Variants in NF1 observed in about 807,000 individuals in gnomAD.
The protein encoded by NF1 is neurofibromin.
Under a neutral mutation model 325.7 loss-of-function variants are expected in NF1, and 122 were observed. The ratio of observed to expected loss-of-function variants is 0.37; its 90% CI spans 0.32 to 0.44. The LOEUF (loss-of-function observed/expected upper bound fraction) is 0.44, where lower values mean the gene tolerates loss of function less well. Ranked by LOEUF, NF1 falls within the 20% of genes least tolerant of loss-of-function variation. The pLI is 1.00. For synonymous variants in NF1, 1,091 were observed against 1,186.0 expected (o/e 0.92, Z 1.65); for missense variants, 2,140 against 3,415.4 (o/e 0.63, Z 9.31).
Position 31,230,882 on chromosome 17 carries a change from A to G in NF1, c.3154A>G (p.Thr1052Ala), listed in dbSNP as rs1597717598. The G allele has an allele frequency of 1.2e-6, 2 of 1,611,534 alleles. No homozygotes were observed. The highest frequency in any genetic ancestry group is 1.7e-4 in the Middle Eastern group (1 of 6,048). Residue 1052 changes from threonine to alanine, a missense_variant, in exon 24 of 58, where the codon ACA (threonine) becomes GCA (alanine). Physicochemically the swap from Thr to Ala is moderately conservative, Grantham distance 58. Coordinates refer to ENST00000358273, the MANE Select transcript of NF1 (RefSeq NM_001042492.3). The part of the protein sequence containing the change: ...VEYLTDWVMG[T>A]SNQAADDDVK... ...ATACCTGACAGACTGGGTTATGGGA[A>G]CATCAAACCAAGCAGCAGATGATGA...
chr17:31,238,542 G>T (rs946039784), intron 29 of NF1, among the ~76,000 whole-genome samples: 25 of 152,088 alleles, frequency 1.6e-4, no homozygotes, highest in Non-Finnish European at 7.4e-5. Flanking sequence ...AGACCATACT[G>T]TCTAACATGG....
intron 36 of NF1, among the ~76,000 whole-genome samples, chr17:31,267,491 A>G (rs1351946647): frequency 1.3e-5 from 2 of 151,842 alleles, no homozygotes; most frequent in Non-Finnish European, 2.9e-5. Context: ...CTTCATTTTC[A>G]CCTGGTGTGA....
chr17:31,350,620 A>G (rs1022966183), intron 50 of NF1, among the ~76,000 whole-genome samples: 1 of 152,208 alleles, frequency 6.6e-6, no homozygotes, highest in Non-Finnish European at 1.5e-5. Flanking sequence ...GGCCTGGGGA[A>G]AAAAACTAAC....
chr17:31,130,097 T>TA (rs1555600895), intron 1 of NF1, among the ~76,000 whole-genome samples: 38 of 151,130 alleles, frequency 2.5e-4, no homozygotes, highest in Admixed American at 2.0e-3. Context: ...TTTTTTTTTT[T>TA]ATCCTATATG....
At chr17:31,224,687 T>A (rs1567846437) in intron 16 of NF1, among the ~76,000 whole-genome samples, 1 of 152,288 alleles carries the variant, frequency 6.6e-6, no homozygotes, top group East Asian at 1.9e-4. Context: ...AGTTAATTAC[T>A]GGTCCAGAAG....
At chr17:31,339,813 CAAG>C (rs1228754353) in intron 46 of NF1, among the ~76,000 whole-genome samples, 1 of 151,976 alleles carries the variant, frequency 6.6e-6, no homozygotes, top group African/African-American at 2.4e-5. Flanking sequence ...TTAAGAGTGA[CAAG>C]AAGTTGAAAA....
rs940754445 is a variant in NF1, at chr17:31,181,265, T to C, written c.587-157T>C. The stretch of plus-strand genomic sequence containing the variant: ...GAATTTTTCTTTCCTAGCAGACAAC[T>C]ATCGAGTTTTGGGTTTATGTTAGGT... On this transcript the variant is annotated intron_variant, in intron 5 of 57. Coordinates refer to ENST00000358273, the MANE Select transcript of NF1 (RefSeq NM_001042492.3). Among the ~76,000 whole-genome samples the C allele has an allele frequency of 5.3e-5, 8 of 152,192 alleles. No homozygotes were observed. The East Asian group carries it at 1.5e-3, about 29-fold the overall frequency.
chr17:31,115,499 A>G (rs1913821594), intron 1 of NF1, among the ~76,000 whole-genome samples: 1 of 152,210 alleles, frequency 6.6e-6, no homozygotes, highest in Non-Finnish European at 1.5e-5. Context: ...TAGAGGAACT[A>G]CTTCTACTTG....
In NF1 at chr17:31,095,448, C is replaced by CGCCTCCCCCGCGGCT. The variant is rs1441220334; in HGVS notation, c.60+85_60+99dup. 61 of 1,344,582 alleles carry CGCCTCCCCCGCGGCT rather than the reference C, an allele frequency of 4.5e-5. No individual in the cohort carries two copies. The East Asian group carries it at 1.1e-3, about 24-fold the overall frequency. 83.3% of individuals were successfully genotyped at this position (1,344,582 alleles called of 1,614,324 possible). On this transcript the variant is annotated intron_variant, in intron 1 of 57. Transcript: ENST00000358273. ...GTAGGTGAGGGGAGGTAGGAGCGGCCGCCTCCCCCGCGGCTGCCTCAGGCT... is the reference window on the plus strand; with the variant it reads ...GTAGGTGAGGGGAGGTAGGAGCGGCCGCCTCCCCCGCGGCTGCCTCCCCCGCGGCTGCCTCAGGCT...
At chr17:31,318,371 G>A (rs776055342) in intron 36 of NF1, 10 of 1,613,710 alleles carry the variant, frequency 6.2e-6, no homozygotes, top group Non-Finnish European at 8.5e-6. Context: ...GTAGCTGTGA[G>A]CACTCCAGTA....
intron 29 of NF1, among the ~76,000 whole-genome samples, chr17:31,247,186 T>TC (rs1047342365): frequency 1.8e-5 from 2 of 111,376 alleles, no homozygotes; most frequent in Non-Finnish European, 3.3e-5. Context: ...AGAGCAAGAC[T>TC]CCATCTCAAA....
Position 31,181,800 on chromosome 17 carries a change from G to GC in NF1, c.730+15_730+16insC. Reference sequence around the variant, plus strand: ...TGATATGGCTGGTAAGGATACGATTGATTTTTTTTTTTTTTTTGTCTTTTA... The same window carrying GC: ...TGATATGGCTGGTAAGGATACGATTGCATTTTTTTTTTTTTTTTGTCTTTTA... On this transcript the variant is annotated intron_variant, in intron 7 of 57. Transcript: ENST00000358273. The GC allele has an allele frequency of 2.0e-6, 3 of 1,464,726 alleles. No homozygotes were observed. In the East Asian group the frequency reaches 7.1e-5, roughly 35 times the overall value. The allele number at this position is 1,464,726 out of a possible 1,614,324, so 90.7% of individuals were successfully genotyped here.
At chr17:31,328,867 T>A (rs889705696) in intron 38 of NF1, among the ~76,000 whole-genome samples, 3 of 152,160 alleles carry the variant, frequency 2.0e-5, no homozygotes, top group Non-Finnish European at 4.4e-5. Context: ...TACATAAGAT[T>A]TTGTGTATGC....
chr17:31,283,293 T>C (rs2068158535), intron 36 of NF1, among the ~76,000 whole-genome samples: 3 of 151,964 alleles, frequency 2.0e-5, no homozygotes. Flanking sequence ...GGCGGGCACC[T>C]GTAGTCCCAG....
At chr17:31,306,137 C>T (rs2068714466) in intron 36 of NF1, among the ~76,000 whole-genome samples, 1 of 152,112 alleles carries the variant, frequency 6.6e-6, no homozygotes, top group Non-Finnish European at 1.5e-5. Flanking sequence ...CACTACTGTT[C>T]CTTCACTAAT....
chr17:31,201,232 A>T (rs2066523517), intron 10 of NF1, 73 bp downstream of exon 10: 3 of 1,580,860 alleles, frequency 1.9e-6, no homozygotes, highest in South Asian at 2.2e-5. Context: ...GACTATAGAG[A>T]TTAATAGGTT....
chr17:31,098,400 T>C (rs939638884), intron 1 of NF1, among the ~76,000 whole-genome samples: 8 of 152,060 alleles, frequency 5.3e-5, no homozygotes, highest in African/African-American at 1.7e-4. Context: ...GTTTCATGAT[T>C]CTTGCCTAGG....
chr17:31,105,545 G>C (rs1353498307), intron 1 of NF1, among the ~76,000 whole-genome samples: 1 of 150,084 alleles, frequency 6.7e-6, no homozygotes, highest in Non-Finnish European at 1.5e-5. Flanking sequence ...ATGGAGTTTT[G>C]CTCTTGTTGC....
intron 36 of NF1, among the ~76,000 whole-genome samples, chr17:31,285,043 C>T (rs529251337): frequency 8.5e-5 from 13 of 152,142 alleles, no homozygotes; most frequent in African/African-American, 2.2e-4. Flanking sequence ...CGCTTGAGCC[C>T]GGGAGGCAGA....
Sources: allele counts gnomAD v4.1 joint callset (sites outside exome capture counted in the v4.1 genomes callset), GRCh38; gene constraint gnomAD v4.1.1; transcripts MANE v1.5; gene names NCBI Gene and HGNC (gene_info 2026-07-23, HGNC 2026-07-21).